Variants in CFAP92 observed in about 807,000 individuals in gnomAD.
CFAP92 encodes the protein cilia and flagella associated protein 92 (putative).
In CFAP92, 86 loss-of-function variants were observed where a neutral mutation model predicts 106.3. The ratio of observed to expected loss-of-function variants is 0.81; its 90% CI spans 0.68 to 0.97. CFAP92 has a LOEUF of 0.97. Ranked by LOEUF, CFAP92 falls within the 50% of genes least tolerant of loss-of-function variation. The pLI is 0.00. For missense variants in CFAP92, 1,204 were observed against 1,283.8 expected (o/e 0.94, Z 0.95); for synonymous variants, 477 against 506.4 (o/e 0.94, Z 0.78).
chr3:128,960,237 C>G (rs1484669823), intron 9 of CFAP92, among the ~76,000 whole-genome samples: 1 of 152,222 alleles, frequency 6.6e-6, no homozygotes, highest in Non-Finnish European at 1.5e-5. Context: ...TCTCTTCACA[C>G]GGACGCGCAT....
At position 128,917,493 on chromosome 3, in the gene CFAP92, G is replaced by A. The variant is rs540930822; in HGVS notation, c.2752-1222C>T. 6.6e-5 allele frequency among the ~76,000 whole-genome samples: 10 copies of A among 152,232 alleles called. No homozygotes were observed. In the East Asian group the frequency reaches 9.6e-4, roughly 15 times the overall value. On this transcript the variant is annotated intron_variant, in intron 12 of 15. Coordinates refer to ENST00000645291, the MANE Select transcript of CFAP92 (RefSeq NM_001394090.1). ...TCTCTGCTGAGGGGTGACACCTGCA[G>A]GAGAATTTGGACTCAGAGCAAAAGT...
chr3:128,959,317 A>G (rs566921278), intron 9 of CFAP92, among the ~76,000 whole-genome samples: 1 of 152,352 alleles, frequency 6.6e-6, no homozygotes, highest in South Asian at 2.1e-4. Flanking sequence ...ATGAAAATAA[A>G]AGATGATGGA....
intron 10 of CFAP92, among the ~76,000 whole-genome samples, chr3:128,942,916 C>CTTTT (rs36073693): frequency 1.5e-4 from 13 of 84,974 alleles, no homozygotes; most frequent in South Asian, 4.3e-4. Flanking sequence ...AAAACTCAAC[C>CTTTT]TTTTTTTTTT....
chr3:129,019,677 G>A, the CFAP92 span, among the ~76,000 whole-genome samples: 33 of 151,956 alleles, frequency 2.2e-4, no homozygotes, highest in Non-Finnish European at 2.9e-5. Context: ...TGGTAGCTGT[G>A]AGCCACAGGT....
chr3:128,932,378 T>TACACACACACACACACACACACACAC lies in CFAP92; in HGVS notation c.2751+321_2751+322insGTGTGTGTGTGTGTGTGTGTGTGTGT, dbSNP rs112536236. On this transcript the variant is annotated intron_variant, in intron 12 of 15. Coordinates refer to ENST00000645291, the MANE Select transcript of CFAP92 (RefSeq NM_001394090.1). ...GCCCTGAGCAGCGTAAGCAACATGTTACACACACACACACACACATGCCAC... is the reference window on the plus strand; with the variant it reads ...GCCCTGAGCAGCGTAAGCAACATGTTACACACACACACACACACACACACACACACACACACACACACACATGCCAC... 3.6e-3 allele frequency among the ~76,000 whole-genome samples: 536 copies of TACACACACACACACACACACACACAC among 147,574 alleles called. 4 individuals carry two copies. The highest frequency in any genetic ancestry group is 7.5e-3 in the African/African-American group (301 of 39,930).
At chr3:129,015,073 T>C in the CFAP92 span, among the ~76,000 whole-genome samples, 7 of 152,120 alleles carry the variant, frequency 4.6e-5, no homozygotes, top group Non-Finnish European at 7.3e-5. Context: ...CAGGTTAATC[T>C]TTTCAACACC....
chr3:128,912,721 C>T (rs745374223), intron 15 of CFAP92: 1 of 1,014,046 alleles, frequency 9.9e-7, no homozygotes, highest in Non-Finnish European at 1.6e-6. Flanking sequence ...GCCTTTTGTT[C>T]CCCGTCTGCA....
chr3:128,914,952 C>T (rs1936681724), intron 15 of CFAP92, 167 bp downstream of exon 15: 7 of 661,214 alleles, frequency 1.1e-5, no homozygotes, highest in African/African-American at 1.8e-5. Flanking sequence ...TCCAGCCCAG[C>T]ATTCAATCTC....
At chr3:128,910,902 C>T (rs746471190) in intron 15 of CFAP92, 1 of 1,474,686 alleles carries the variant, frequency 6.8e-7, no homozygotes, top group Non-Finnish European at 9.5e-7. Context: ...GTCAAGCTCC[C>T]AGAGCCTGCT....
chr3:128,944,637 TTTAA>T lies in CFAP92; in HGVS notation c.2258+430_2258+433del, dbSNP rs529800399. Reference sequence around the variant, plus strand: ...CCCGCTGCAGCCCAGAATTGGACACTTTAATTATTCACTTCTAGTGTTCCCACTG... The same window carrying T: ...CCCGCTGCAGCCCAGAATTGGACACTTTATTCACTTCTAGTGTTCCCACTG... On this transcript the variant is annotated intron_variant, in intron 10 of 15. Transcript: ENST00000645291. Among the ~76,000 whole-genome samples, 159 of 152,306 alleles carry T rather than the reference TTTAA, an allele frequency of 1.0e-3. 1 individual carries two copies. The highest frequency in any genetic ancestry group is 3.7e-3 in the African/African-American group (155 of 41,554).
upstream of CFAP92, chr3:129,004,092 G>A: frequency 2.0e-6 from 3 of 1,479,408 alleles, no homozygotes; most frequent in East Asian, 2.8e-5. Flanking sequence ...GCGGGGGCGC[G>A]TGCCCTGGGC....
At position 128,945,611 on chromosome 3, in the gene CFAP92, A is replaced by T. The variant is rs1461135123; in HGVS notation, c.1718T>A (p.Leu573His). ...ATTCAAGTACTTGTGGCCAAGGAGG[A>T]GGTCAGCAAAACTGACCTGGGCGAT... ...YGIAQVSFAD[L>H]LLGHKYLNLA... The change falls in exon 10 of 16, where the codon CTC (leucine) becomes CAC (histidine). Residue 573 changes from leucine to histidine, a missense_variant. Leu to His is a moderately conservative substitution (Grantham distance 99). Transcript: ENST00000645291. 6.5e-7 allele frequency: 1 copy of T among 1,536,074 alleles called. No individual in the cohort carries two copies. Among genetic ancestry groups the T allele is most frequent in the Admixed American group, 2.0e-5 (1 of 50,990 alleles).
intron 2 of CFAP92, among the ~76,000 whole-genome samples, chr3:128,989,470 C>G (rs755027390): frequency 6.6e-6 from 1 of 152,030 alleles, no homozygotes; most frequent in Non-Finnish European, 1.5e-5. Flanking sequence ...TCCAGACAGA[C>G]AGAGAAAGCA....
At chr3:128,928,922 ACAACT>A (rs746393484) in intron 12 of CFAP92, among the ~76,000 whole-genome samples, 18 of 152,214 alleles carry the variant, frequency 1.2e-4, no homozygotes, top group Non-Finnish European at 2.5e-4. Flanking sequence ...AGAATATATA[ACAACT>A]CAACAATAAA....
In CFAP92 at chr3:128,915,285, G is replaced by A; in HGVS notation, c.3124-10C>T. On this transcript the variant is annotated splice_polypyrimidine_tract_variant and intron_variant, in intron 14 of 15. Transcript: ENST00000645291. Reference sequence around the variant, plus strand: ...AGTTTTCCTTCCACTCCTAAATTGGGGGAGTAAGTAAATCAGGAGGAGAAA... The same window carrying A: ...AGTTTTCCTTCCACTCCTAAATTGGAGGAGTAAGTAAATCAGGAGGAGAAA... 1 of 1,536,056 alleles carries A rather than the reference G, an allele frequency of 6.5e-7. No homozygotes were observed. Among genetic ancestry groups the A allele is most frequent in the Non-Finnish European group, 8.7e-7 (1 of 1,146,838 alleles).
intron 9 of CFAP92, among the ~76,000 whole-genome samples, chr3:128,953,603 C>CTCTCCCTCTCCCTCTCCCTCCCTCTCCG (rs1160202504): frequency 2.5e-5 from 3 of 119,744 alleles, no homozygotes; most frequent in Non-Finnish European, 4.8e-5. Context: ...CTCCCTCCCC[C>CTCTCCCTCTCCCTCTCCCTCCCTCTCCG]TCTCCCTCTC....
intron 9 of CFAP92, among the ~76,000 whole-genome samples, chr3:128,950,325 C>T (rs1211035667): frequency 6.6e-6 from 1 of 152,214 alleles, no homozygotes; most frequent in East Asian, 1.9e-4. Context: ...GCTGAGAAGC[C>T]CACCGTGCAC....
intron 1 of CFAP92, chr3:129,001,879 C>T (rs1415574816): frequency 5.8e-6 from 9 of 1,545,332 alleles, no homozygotes; most frequent in Admixed American, 3.9e-5. Flanking sequence ...GCGCTCTGCG[C>T]TGTGCTGGGG....
chr3:128,947,771 A>C (rs895605550), intron 9 of CFAP92, among the ~76,000 whole-genome samples: 3 of 152,182 alleles, frequency 2.0e-5, no homozygotes. Flanking sequence ...AGGAGGTTTG[A>C]GGTTTCAACG....
Sources: gnomAD v4.1 joint callset for allele counts (sites outside exome capture counted in the v4.1 genomes callset) on GRCh38, gnomAD v4.1.1 for gene constraint, MANE v1.5 for transcripts, NCBI Gene and HGNC (gene_info 2026-07-23, HGNC 2026-07-21) for gene names.